EPHA6: variants seen among roughly 807,000 people sequenced by gnomAD.
EPHA6 encodes ephrin type-A receptor 6.
A neutral mutation model predicts 112.0 loss-of-function variants in EPHA6; 50 were observed. That is an observed-to-expected ratio of 0.45 (90% CI 0.36 to 0.56). The LOEUF (loss-of-function observed/expected upper bound fraction) is 0.56. Among genes scored for constraint, EPHA6 ranks in the 20% least tolerant of loss-of-function variants. The pLI, the probability that EPHA6 is intolerant of heterozygous loss-of-function variation, is 0.00. For synonymous variants in EPHA6, 529 were observed against 490.7 expected, an observed-to-expected ratio of 1.08 and a Z score of -1.03; for missense variants, 1,280 against 1,417.4, an observed-to-expected ratio of 0.90 and a Z score of 1.56.
At chr3:97,259,352 TTTTG>T (rs983028854) in intron 5 of EPHA6, among the ~76,000 whole-genome samples, 1 of 152,170 alleles carries the variant, frequency 6.6e-6, no homozygotes, top group African/African-American at 2.4e-5. Context: ...TTATCTTTTT[TTTTG>T]TTTGTTTACC....
At chr3:97,498,776 C>T (rs1029459174) in intron 10 of EPHA6, among the ~76,000 whole-genome samples, 2 of 152,228 alleles carry the variant, frequency 1.3e-5, no homozygotes, top group East Asian at 3.9e-4. Context: ...ATGTGAGGGA[C>T]CTAGGTTGCG....
At chr3:97,719,695 T>C (rs2034439639) in intron 14 of EPHA6, among the ~76,000 whole-genome samples, 1 of 152,240 alleles carries the variant, frequency 6.6e-6, no homozygotes, top group African/African-American at 2.4e-5. Flanking sequence ...GAAAGAAAGA[T>C]TATCCTTTCA....
intron 5 of EPHA6, among the ~76,000 whole-genome samples, chr3:97,376,562 G>C (rs1156864818): frequency 1.3e-5 from 2 of 152,188 alleles, no homozygotes; most frequent in East Asian, 3.9e-4. Context: ...TCTTACTGTT[G>C]ACTTCTTTTT....
At chr3:96,904,608 TAAAA>T (rs796876626) in intron 2 of EPHA6, among the ~76,000 whole-genome samples, 1 of 143,946 alleles carries the variant, frequency 6.9e-6, no homozygotes, top group Non-Finnish European at 1.5e-5. Context: ...AAAGTATAAT[TAAAA>T]AAAAAAAACT....
At chr3:97,501,758 C>T (rs998067248) in intron 10 of EPHA6, among the ~76,000 whole-genome samples, 3 of 151,546 alleles carry the variant, frequency 2.0e-5, no homozygotes, top group African/African-American at 7.3e-5. Context: ...TATTAAAGAG[C>T]TAAGAATCCA....
rs544200738 is a variant in EPHA6, at chr3:97,009,024, C to T, written c.1114+21031C>T. Among the ~76,000 whole-genome samples the T allele has an allele frequency of 1.2e-3, 182 of 152,194 alleles. 1 individual carries two copies. The highest frequency in any genetic ancestry group is 4.2e-3 in the African/African-American group (173 of 41,528). On this transcript the variant is annotated intron_variant, in intron 3 of 17. Coordinates refer to ENST00000389672, the MANE Select transcript of EPHA6 (RefSeq NM_001080448.3). ...TTCTCCTTCTTTTGGCACCTCTGAC[C>T]TTGAAGGTCACCAACCTGATATCAG...
chr3:97,671,999 T>C (rs2030892447), intron 14 of EPHA6, among the ~76,000 whole-genome samples: 1 of 152,198 alleles, frequency 6.6e-6, no homozygotes, highest in Middle Eastern at 3.2e-3. Context: ...GGATACACTA[T>C]ACATTCCTGG....
rs1055523895 is a variant in EPHA6, at chr3:96,854,369, G to A, written c.386-12456G>A. Among the ~76,000 whole-genome samples, 13 of 151,466 alleles carry A rather than the reference G, an allele frequency of 8.6e-5. No homozygotes were observed. The South Asian group carries it at 2.7e-3, about 32-fold the overall frequency. ...TAATTTTTGTATTTTTAGTAAAGTC[G>A]AGATTTCACCATGCTGGCCAGGATG... On this transcript the variant is annotated intron_variant, in intron 1 of 17. Transcript: ENST00000389672.
chr3:96,958,416 T>C (rs909776605), intron 2 of EPHA6, among the ~76,000 whole-genome samples: 51 of 152,312 alleles, frequency 3.3e-4, no homozygotes, highest in African/African-American at 1.2e-3. Context: ...ATAATAATAT[T>C]ACCTACCTCA....
chr3:96,977,855 A>T (rs2042594986), intron 2 of EPHA6, among the ~76,000 whole-genome samples: 1 of 152,168 alleles, frequency 6.6e-6, no homozygotes, highest in Non-Finnish European at 1.5e-5. Context: ...TAAGCTAGAG[A>T]AAAGAAAATG....
At chr3:97,546,729 C>T (rs2092955732) in intron 11 of EPHA6, among the ~76,000 whole-genome samples, 1 of 152,230 alleles carries the variant, frequency 6.6e-6, no homozygotes, top group African/African-American at 2.4e-5. Flanking sequence ...CGTCTTTTCA[C>T]ATAGTCCCAT....
intron 6 of EPHA6, among the ~76,000 whole-genome samples, chr3:97,442,115 AC>A (rs1453599701): frequency 2.0e-5 from 3 of 152,158 alleles, no homozygotes. Flanking sequence ...GAAATGGATG[AC>A]TTTTTATGAC....
chr3:97,612,479 G>T, intron 13 of EPHA6: 2 of 341,234 alleles, frequency 5.9e-6, no homozygotes, highest in Non-Finnish European at 1.2e-5. Flanking sequence ...AAATAAGGTG[G>T]GAAATATTAG....
At chr3:97,619,801 T>C (rs1163340189) in intron 13 of EPHA6, among the ~76,000 whole-genome samples, 3 of 152,092 alleles carry the variant, frequency 2.0e-5, no homozygotes, top group African/African-American at 7.2e-5. Flanking sequence ...TCCATGACTA[T>C]GGATAGGAAG....
intron 5 of EPHA6, among the ~76,000 whole-genome samples, chr3:97,386,365 C>T (rs367608157): frequency 2.6e-4 from 39 of 151,936 alleles, no homozygotes; most frequent in African/African-American, 6.3e-4. Context: ...GTACAGACAT[C>T]GGGTAAATAC....
At chr3:97,146,002 A>G (rs184452474) in intron 3 of EPHA6, among the ~76,000 whole-genome samples, 1 of 151,768 alleles carries the variant, frequency 6.6e-6, no homozygotes, top group East Asian at 1.9e-4. Context: ...TTACCCCCAA[A>G]TGACATACAC....
chr3:97,675,983 G>A (rs1338721206), intron 14 of EPHA6, among the ~76,000 whole-genome samples: 1 of 152,116 alleles, frequency 6.6e-6, no homozygotes, highest in Non-Finnish European at 1.5e-5. Context: ...AAGGCTTCCT[G>A]GGCAATCTGA....
intron 14 of EPHA6, among the ~76,000 whole-genome samples, chr3:97,662,522 C>T (rs893177656): frequency 6.6e-6 from 1 of 152,120 alleles, no homozygotes. Context: ...GAGAATGCAT[C>T]CCAGTTCATC....
At chr3:97,030,973 C>G (rs1343452991) in intron 3 of EPHA6, among the ~76,000 whole-genome samples, 1 of 151,738 alleles carries the variant, frequency 6.6e-6, no homozygotes, top group Non-Finnish European at 1.5e-5. Context: ...TTAAAGAATA[C>G]CGATTGATCA....
Sources: allele counts gnomAD v4.1 joint callset (sites outside exome capture counted in the v4.1 genomes callset), GRCh38; gene constraint gnomAD v4.1.1; transcripts MANE v1.5; gene names NCBI Gene and HGNC (gene_info 2026-07-23, HGNC 2026-07-21).